Variants in FBXO42 observed in about 807,000 individuals in gnomAD.
FBXO42 encodes F-box only protein 42.
A neutral mutation model predicts 71.7 loss-of-function variants in FBXO42; 12 were observed. That is an observed-to-expected ratio of 0.17 (90% CI 0.11 to 0.27). The LOEUF (loss-of-function observed/expected upper bound fraction) is 0.27, where lower values mean the gene tolerates loss of function less well. Ranked by LOEUF, FBXO42 falls within the 10% of genes least tolerant of loss-of-function variation. The pLI is 1.00. For synonymous variants in FBXO42, 325 were observed against 327.5 expected, an observed-to-expected ratio of 0.99 and a Z score of 0.08; for missense variants, 707 against 911.9, an observed-to-expected ratio of 0.78 and a Z score of 2.89.
At chr1:16,334,418 CAAAAAAAAAAA>C (rs757658037) in intron 1 of FBXO42, among the ~76,000 whole-genome samples, 1 of 52,788 alleles carries the variant, frequency 1.9e-5, no homozygotes, top group Non-Finnish European at 3.9e-5. Context: ...GACTCCGCCT[CAAAAAAAAAAA>C]AAAAAAAAAA....
chr1:16,334,358 G>A (rs368198301), intron 1 of FBXO42, among the ~76,000 whole-genome samples: 4 of 151,094 alleles, frequency 2.6e-5, no homozygotes, highest in East Asian at 1.9e-4. Flanking sequence ...GCGTGAACCC[G>A]GGAGGCGGAG....
chr1:16,286,293 T>C (rs1276671705), intron 4 of FBXO42, among the ~76,000 whole-genome samples: 1 of 152,154 alleles, frequency 6.6e-6, no homozygotes, highest in African/African-American at 2.4e-5. Context: ...GAGTAATTTA[T>C]AAAGGAAAGA....
chr1:16,290,054 T>C (rs1278267163), intron 4 of FBXO42, among the ~76,000 whole-genome samples: 1 of 152,172 alleles, frequency 6.6e-6, no homozygotes, highest in Non-Finnish European at 1.5e-5. Flanking sequence ...AAAGCAGGTG[T>C]AAATGGGAGG....
chr1:16,299,465 C>A (rs1460818494), intron 3 of FBXO42, among the ~76,000 whole-genome samples: 1 of 152,080 alleles, frequency 6.6e-6, no homozygotes, highest in South Asian at 2.1e-4. Context: ...GAAGGCACAG[C>A]CCAAAGTATG....
chr1:16,270,876 C>T, intron 4 of FBXO42, among the ~76,000 whole-genome samples: 1 of 150,990 alleles, frequency 6.6e-6, no homozygotes, highest in Non-Finnish European at 1.5e-5. Context: ...GCCCTCAGCC[C>T]CAGGAAGCGT....
intron 4 of FBXO42, among the ~76,000 whole-genome samples, chr1:16,281,760 G>A (rs1049720854): frequency 1.3e-5 from 2 of 151,276 alleles, no homozygotes; most frequent in East Asian, 2.0e-4. Context: ...GGGTTCAAGC[G>A]ATTCTCCTGC....
chr1:16,350,747 A>AG (rs1312673634), intron 1 of FBXO42, among the ~76,000 whole-genome samples: 2 of 130,984 alleles, frequency 1.5e-5, no homozygotes, highest in Non-Finnish European at 3.3e-5. Flanking sequence ...AAACTGCAAA[A>AG]AAAAAAAAAA....
rs938971495 is a variant in FBXO42 at position 16,289,101 on chromosome 1, T to C, written c.502+5682A>G. On this transcript the variant is annotated intron_variant, in intron 4 of 9. Coordinates refer to ENST00000375592, the MANE Select transcript of FBXO42 (RefSeq NM_018994.3). ...AATAGAAGCAAAATGTGCTCTAAAA[T>C]GTAAATTGAGGCAGGGAAGGGCAGT... 6.6e-5 allele frequency among the ~76,000 whole-genome samples: 10 copies of C among 151,404 alleles called. No homozygotes were observed. In the East Asian group the frequency reaches 2.0e-3, roughly 30 times the overall value.
intron 4 of FBXO42, chr1:16,294,567 T>C (rs954115041): frequency 1.9e-5 from 10 of 521,642 alleles, no homozygotes; most frequent in Non-Finnish European, 3.4e-5. Flanking sequence ...TACAGCAATT[T>C]TGGCAGGGCA....
chr1:16,306,629 G>A (rs1206468251), intron 2 of FBXO42, among the ~76,000 whole-genome samples: 1 of 152,082 alleles, frequency 6.6e-6, no homozygotes, highest in Non-Finnish European at 1.5e-5. Context: ...ATCTATAGTT[G>A]GAAACTATAA....
chr1:16,280,492 A>T (rs79544305), intron 4 of FBXO42, among the ~76,000 whole-genome samples: 4,047 of 152,326 alleles, frequency 0.027, 181 homozygotes, highest in African/African-American at 0.09. Flanking sequence ...ATATTGGTTT[A>T]TCATTATTCA....
intron 4 of FBXO42, among the ~76,000 whole-genome samples, chr1:16,285,095 G>A (rs1425805260): frequency 2.0e-5 from 3 of 151,628 alleles, no homozygotes; most frequent in Non-Finnish European, 4.4e-5. Context: ...GCAGTGAGCC[G>A]AGATCGCACC....
intron 1 of FBXO42, among the ~76,000 whole-genome samples, chr1:16,339,532 T>C (rs2100629048): frequency 6.6e-6 from 1 of 151,680 alleles, no homozygotes; most frequent in East Asian, 2.0e-4. Flanking sequence ...AGGATGGTCT[T>C]GATGTCTTGA....
intron 1 of FBXO42, among the ~76,000 whole-genome samples, chr1:16,344,039 C>T (rs574768155): frequency 4.6e-4 from 70 of 151,560 alleles, no homozygotes; most frequent in African/African-American, 1.6e-3. Context: ...CTCATGTTGC[C>T]AAGGCTGGAG....
intron 4 of FBXO42, among the ~76,000 whole-genome samples, chr1:16,281,874 C>T (rs961485353): frequency 1.1e-4 from 17 of 151,894 alleles, no homozygotes; most frequent in African/African-American, 4.1e-4. Flanking sequence ...CCAGGCTGTT[C>T]TCAAACTCTT....
intron 6 of FBXO42, among the ~76,000 whole-genome samples, chr1:16,253,955 AC>A (rs2081615455): frequency 2.0e-5 from 3 of 152,348 alleles, no homozygotes; most frequent in Admixed American, 6.5e-5. Flanking sequence ...TGTAGCCTGA[AC>A]AAGTCACTTA....
chr1:16,287,592 A>G (rs1260851059), intron 4 of FBXO42, among the ~76,000 whole-genome samples: 1 of 152,096 alleles, frequency 6.6e-6, no homozygotes, highest in Non-Finnish European at 1.5e-5. Flanking sequence ...AGAGTCATTT[A>G]TTTTTTATTA....
rs1404630136 is a variant in FBXO42, at chr1:16,258,734, CTTTA to C, written c.503-1979_503-1976del. ...ACAGGAACTGACTGTAGAAATGAGT[CTTTA>C]TTTATTTATTAATCTTGAGACAGGG... is the stretch of plus-strand genomic sequence containing the variant. On this transcript the variant is annotated intron_variant, in intron 4 of 9. Transcript: ENST00000375592. 2.0e-5 allele frequency among the ~76,000 whole-genome samples: 3 copies of C among 151,484 alleles called. No individual in the cohort carries two copies. The East Asian group carries it at 5.8e-4, about 29-fold the overall frequency.
In FBXO42 at chr1:16,248,796, G is replaced by C. The variant is rs1042904574; in HGVS notation, c.*1874C>G. 6.6e-6 allele frequency: 1 copy of C among 152,236 alleles called. No homozygotes were observed. Among genetic ancestry groups the C allele is most frequent in the Non-Finnish European group, 1.5e-5 (1 of 68,048 alleles). 9.4% of individuals were successfully genotyped at this position (152,236 alleles called of 1,614,324 possible). ...CAAGCAGTTGGATGCCACATAAGTA[G>C]ACACATGTTGTTTCCTCATTGAAGG... is the stretch of plus-strand genomic sequence containing the variant. On this transcript the variant is annotated 3_prime_UTR_variant, in exon 10 of 10. Coordinates refer to ENST00000375592, the MANE Select transcript of FBXO42 (RefSeq NM_018994.3).
Sources: gnomAD v4.1 joint callset for allele counts (sites outside exome capture counted in the v4.1 genomes callset) on GRCh38, gnomAD v4.1.1 for gene constraint, MANE v1.5 for transcripts, NCBI Gene and HGNC (gene_info 2026-07-23, HGNC 2026-07-21) for gene names.